The following PATJ variants were observed in gnomAD, a reference collection of about 807,000 sequenced individuals.
The protein encoded by PATJ is PATJ crumbs cell polarity complex component, also known as inaD-like protein.
In PATJ, 190 loss-of-function variants were observed where a neutral mutation model predicts 224.9. That is an observed-to-expected ratio of 0.84 (90% CI 0.75 to 0.95). The LOEUF is 0.95. PATJ is among the 40% of genes least tolerant of loss of function. The pLI, the probability that PATJ is intolerant of heterozygous loss-of-function variation, is 0.00. For synonymous variants in PATJ, 769 were observed against 820.3 expected, an observed-to-expected ratio of 0.94 and a Z score of 1.07; for missense variants, 2,121 against 2,270.3, an observed-to-expected ratio of 0.93 and a Z score of 1.34.
intron 17 of PATJ, among the ~76,000 whole-genome samples, chr1:61,855,448 T>C (rs1663499515): frequency 6.6e-6 from 1 of 152,180 alleles, no homozygotes. Flanking sequence ...TCACCACAGC[T>C]CTGCAGTGAG....
At chr1:61,796,708 TTC>T (rs1273162255) in intron 10 of PATJ, among the ~76,000 whole-genome samples, 3,113 of 52,760 alleles carry the variant, frequency 0.059, 98 homozygotes, top group African/African-American at 0.15. Context: ...CTTTCTTTCT[TTC>T]TTTCTTTCTT....
chr1:61,759,541 C>T (rs1351481670), intron 1 of PATJ, among the ~76,000 whole-genome samples: 1 of 151,884 alleles, frequency 6.6e-6, no homozygotes, highest in Non-Finnish European at 1.5e-5. Flanking sequence ...TCCCAAGTAG[C>T]TGGGATTATA....
intron 42 of PATJ, among the ~76,000 whole-genome samples, chr1:62,149,972 G>T (rs973774350): frequency 6.6e-6 from 1 of 152,152 alleles, no homozygotes; most frequent in African/African-American, 2.4e-5. Flanking sequence ...CCTGAGTATA[G>T]ATAGGCACAA....
Position 61,990,219 on chromosome 1 carries a change from A to G in PATJ, c.3722A>G (p.Glu1241Gly). ...CTGCCTGGAGAACTGCACATTATTG[A>G]ACTTGAAAAAGATAAGAATGGACTT... ...ADLPGELHII[E>G]LEKDKNGLGL... Residue 1241 changes from glutamate (E) to glycine (G), a missense_variant, in exon 28 of 44, where the codon GAA becomes GGA. Glu to Gly is a moderately conservative substitution (Grantham distance 98, BLOSUM62 -2). Coordinates refer to ENST00000642238, the MANE Select transcript of PATJ (RefSeq NM_001350145.3). 6.2e-7 allele frequency: 1 copy of G among 1,613,732 alleles called. No individual in the cohort carries two copies. Among genetic ancestry groups the G allele is most frequent in the Non-Finnish European group, 8.5e-7 (1 of 1,179,852 alleles).
chr1:61,872,135 A>G (rs6698337), intron 20 of PATJ, among the ~76,000 whole-genome samples: 74,086 of 151,996 alleles, frequency 0.49, 18,879 homozygotes, highest in Non-Finnish European at 0.57. Flanking sequence ...AGAAGTCCAA[A>G]TGGCCCCAAA....
chr1:62,047,274 T>C (rs1285027063), intron 30 of PATJ, among the ~76,000 whole-genome samples: 1 of 152,222 alleles, frequency 6.6e-6, no homozygotes, highest in Non-Finnish European at 1.5e-5. Context: ...TCTCTTTTTT[T>C]GAGACGGAGT....
chr1:61,846,785 G>A (rs1662036361), intron 17 of PATJ, among the ~76,000 whole-genome samples: 1 of 152,148 alleles, frequency 6.6e-6, no homozygotes, highest in Non-Finnish European at 1.5e-5. Flanking sequence ...TTTTAGTAGA[G>A]ACGGGTTTTC....
Position 61,750,711 on chromosome 1 carries a change from G to T in PATJ, c.-36+8156G>T, listed in dbSNP as rs1012839227. 2.6e-5 allele frequency among the ~76,000 whole-genome samples: 4 copies of T among 152,060 alleles called. No individual in the cohort carries two copies. In the East Asian group the frequency reaches 7.7e-4, roughly 29 times the overall value. ...CTGCCTCGGCCTCCCAAAGTGCTGG[G>T]ATACAAGCATGAGCCACCACGCCCG... On this transcript the variant is annotated intron_variant, in intron 1 of 43. Coordinates refer to ENST00000642238, the MANE Select transcript of PATJ (RefSeq NM_001350145.3).
chr1:62,003,891 C>T (rs1645940001), intron 28 of PATJ, among the ~76,000 whole-genome samples: 1 of 152,146 alleles, frequency 6.6e-6, no homozygotes, highest in Middle Eastern at 3.4e-3. Context: ...TGTCAGTCTA[C>T]TTCTCTCCTC....
chr1:61,887,281 A>G (rs759237790), intron 22 of PATJ, among the ~76,000 whole-genome samples: 5 of 152,098 alleles, frequency 3.3e-5, no homozygotes, highest in Non-Finnish European at 5.9e-5. Flanking sequence ...CCACTAAGAT[A>G]GGTGCCAGGA....
chr1:62,091,421 T>C (rs1341217636), intron 33 of PATJ, among the ~76,000 whole-genome samples: 1 of 152,216 alleles, frequency 6.6e-6, no homozygotes, highest in Non-Finnish European at 1.5e-5. Flanking sequence ...CTTAAGATTG[T>C]CATGTGAATT....
At chr1:62,063,076 T>C (rs1308916525) in intron 31 of PATJ, among the ~76,000 whole-genome samples, 1 of 152,212 alleles carries the variant, frequency 6.6e-6, no homozygotes, top group Non-Finnish European at 1.5e-5. Context: ...TACAAATTCT[T>C]TGTGAAGGCT....
At chr1:61,799,418 A>G (rs1448273888) in intron 11 of PATJ, among the ~76,000 whole-genome samples, 2 of 152,086 alleles carry the variant, frequency 1.3e-5, no homozygotes, top group Non-Finnish European at 1.5e-5. Context: ...GCTGGTCTCA[A>G]ACTCCTGGCC....
At chr1:61,962,894 G>A (rs900013731) in intron 27 of PATJ, among the ~76,000 whole-genome samples, 5 of 152,128 alleles carry the variant, frequency 3.3e-5, no homozygotes, top group Admixed American at 6.5e-5. Flanking sequence ...CAGCCCAGCC[G>A]CCAGAAAGGA....
At chr1:61,745,137 G>A (rs531062647) in intron 1 of PATJ, among the ~76,000 whole-genome samples, 1 of 152,220 alleles carries the variant, frequency 6.6e-6, no homozygotes, top group East Asian at 1.9e-4. Context: ...GGGAAACCCA[G>A]CAATGCCTAT....
chr1:61,918,678 T>TA (rs1394092773), intron 26 of PATJ, among the ~76,000 whole-genome samples: 8 of 152,096 alleles, frequency 5.3e-5, no homozygotes, highest in Admixed American at 2.0e-4. Context: ...AATAGGTAAT[T>TA]ATGGCCAGGC....
chr1:61,977,399 A>C (rs1479640600), intron 27 of PATJ, among the ~76,000 whole-genome samples: 1 of 152,058 alleles, frequency 6.6e-6, no homozygotes, highest in African/African-American at 2.4e-5. Context: ...CCAAACTGGA[A>C]ATTTTTTGGA....
At chr1:62,129,555 G>A (rs541365919) in intron 41 of PATJ, among the ~76,000 whole-genome samples, 2 of 152,328 alleles carry the variant, frequency 1.3e-5, no homozygotes, top group South Asian at 4.1e-4. Context: ...ACACCATGCA[G>A]TGACTGAGAG....
chr1:61,813,364 T>C (rs1244379080), intron 14 of PATJ, among the ~76,000 whole-genome samples: 3 of 50,904 alleles, frequency 5.9e-5, no homozygotes, highest in African/African-American at 1.7e-4. Context: ...TATATATATA[T>C]ATATATATAT....
Sources: gnomAD v4.1 joint callset for allele counts (sites outside exome capture counted in the v4.1 genomes callset) on GRCh38, gnomAD v4.1.1 for gene constraint, MANE v1.5 for transcripts, NCBI Gene and HGNC (gene_info 2026-07-23, HGNC 2026-07-21) for gene names.